Variants in PPP1R1C observed in about 807,000 individuals in gnomAD.
PPP1R1C encodes the protein protein phosphatase 1 regulatory subunit 1C.
Under a neutral mutation model 17.4 loss-of-function variants are expected in PPP1R1C, and 15 were observed. That is an observed-to-expected ratio of 0.86 (90% confidence interval 0.58 to 1.33). The LOEUF is 1.33. PPP1R1C is among the 40% of genes most tolerant of loss of function. PPP1R1C has a pLI of 0.00. For synonymous variants in PPP1R1C, 35 were observed against 43.1 expected (o/e 0.81, Z 0.73); for missense variants, 143 against 130.0 (o/e 1.10, Z -0.48).
At chr2:182,098,974 A>G (rs1049880489) in intron 4 of PPP1R1C, among the ~76,000 whole-genome samples, 54 of 152,328 alleles carry the variant, frequency 3.5e-4, no homozygotes, top group African/African-American at 1.2e-3. Flanking sequence ...TATTCTTCAG[A>G]AAAATATTGT....
downstream of PPP1R1C, among the ~76,000 whole-genome samples, chr2:182,120,578 T>G (rs1266129109): frequency 6.6e-6 from 1 of 152,246 alleles, no homozygotes; most frequent in Non-Finnish European, 1.5e-5. Context: ...TTCTCTCTAC[T>G]TAAAACCTGA....
intron 4 of PPP1R1C, among the ~76,000 whole-genome samples, chr2:182,069,663 A>C (rs1274825383): frequency 6.6e-6 from 1 of 152,202 alleles, no homozygotes; most frequent in Non-Finnish European, 1.5e-5. Flanking sequence ...ACATTGGAAA[A>C]GAAGAGCACC....
At chr2:182,085,188 A>T (rs1441262420) in intron 4 of PPP1R1C, among the ~76,000 whole-genome samples, 5 of 152,088 alleles carry the variant, frequency 3.3e-5, no homozygotes, top group African/African-American at 1.2e-4. Flanking sequence ...CTAGGTATAT[A>T]ATCATATCAT....
chr2:181,978,291 C>T lies in PPP1R1C; in HGVS notation n.157+3027C>T, dbSNP rs545547369. On this transcript the variant is annotated intron_variant and non_coding_transcript_variant, in intron 2 of 5. Transcript: ENST00000464264. ...GGGGACACAGTCAAACCTCTGCATG[C>T]GACTTGGGCTTTTCACTGAATACCT... Among the ~76,000 whole-genome samples the T allele has an allele frequency of 4.5e-4, 68 of 152,304 alleles. 4 individuals are homozygous for T. In the South Asian group the frequency reaches 0.013, roughly 30 times the overall value.
chr2:182,033,234 T>G (rs1418471279), intron 2 of PPP1R1C, among the ~76,000 whole-genome samples: 1 of 152,196 alleles, frequency 6.6e-6, no homozygotes, highest in Non-Finnish European at 1.5e-5. Context: ...ACACAAACAA[T>G]GATCTTTCTA....
At chr2:182,013,959 T>C (rs907456951) in intron 2 of PPP1R1C, among the ~76,000 whole-genome samples, 16 of 152,364 alleles carry the variant, frequency 1.1e-4, no homozygotes, top group South Asian at 4.1e-4. Context: ...TTGAATTTCA[T>C]TGAGCTTGCT....
At chr2:181,959,881 A>C (rs754622360) in intron 1 of PPP1R1C, among the ~76,000 whole-genome samples, 1 of 152,110 alleles carries the variant, frequency 6.6e-6, no homozygotes, top group Non-Finnish European at 1.5e-5. Context: ...GTATCCAGTT[A>C]ATAATGTTTT....
At chr2:181,982,008 A>G (rs1685201651), upstream of PPP1R1C, among the ~76,000 whole-genome samples, 1 of 152,342 alleles carries the variant, frequency 6.6e-6, no homozygotes, top group African/African-American at 2.4e-5. Flanking sequence ...CCAATTGTTA[A>G]ACAAAGTCAC....
At chr2:182,019,517 T>C (rs948770830) in intron 2 of PPP1R1C, among the ~76,000 whole-genome samples, 3 of 152,204 alleles carry the variant, frequency 2.0e-5, no homozygotes, top group Admixed American at 6.5e-5. Context: ...TGTTCAAAAA[T>C]GATTATTCTT....
intron 4 of PPP1R1C, among the ~76,000 whole-genome samples, chr2:182,101,902 G>A (rs1689107391): frequency 6.6e-6 from 1 of 152,146 alleles, no homozygotes; most frequent in African/African-American, 2.4e-5. Context: ...AAAACAAGCT[G>A]CACTCCTTCA....
At chr2:182,124,158 T>C (rs147960519) in intron 5 of PPP1R1C, among the ~76,000 whole-genome samples, 2 of 152,274 alleles carry the variant, frequency 1.3e-5, no homozygotes, top group Non-Finnish European at 2.9e-5. Flanking sequence ...AAAGATCAGA[T>C]AGTTGTAGAT....
chr2:182,026,785 G>A (rs1046175857), intron 2 of PPP1R1C, among the ~76,000 whole-genome samples: 25 of 150,880 alleles, frequency 1.7e-4, no homozygotes, highest in Admixed American at 1.4e-3. Flanking sequence ...CATTGAATCT[G>A]TAAATTACCT....
chr2:182,076,353 C>A (rs927399013), intron 4 of PPP1R1C, among the ~76,000 whole-genome samples: 4 of 145,888 alleles, frequency 2.7e-5, no homozygotes, highest in Non-Finnish European at 5.9e-5. Context: ...CGCTACCACG[C>A]CCGACTAATT....
intron 2 of PPP1R1C, among the ~76,000 whole-genome samples, chr2:182,030,279 G>A (rs1435120086): frequency 6.6e-6 from 1 of 152,220 alleles, no homozygotes. Context: ...TTTGGAGGAG[G>A]AGAGGCACTC....
intron 4 of PPP1R1C, among the ~76,000 whole-genome samples, chr2:182,094,368 C>T (rs1303619633): frequency 6.6e-6 from 1 of 152,212 alleles, no homozygotes; most frequent in African/African-American, 2.4e-5. Context: ...GGTGGGAACA[C>T]AGAGCCATAC....
rs562595992 is a variant in PPP1R1C, at chr2:182,039,900, C to A, written c.143-21542C>A. 2.0e-5 allele frequency among the ~76,000 whole-genome samples: 3 copies of A among 152,216 alleles called. No individual in the cohort carries two copies. In the East Asian group the frequency reaches 5.8e-4, roughly 29 times the overall value. ...ATCTCCAATTATAAATGAGAACATA[C>A]AATATTAGTTTTATTCATTCCTGAA... On this transcript the variant is annotated intron_variant, in intron 2 of 4. Coordinates refer to ENST00000682840, the MANE Select transcript of PPP1R1C (RefSeq NM_001080545.3).
chr2:182,128,266 G>A (rs563378815), intron 5 of PPP1R1C, among the ~76,000 whole-genome samples: 2 of 152,158 alleles, frequency 1.3e-5, no homozygotes, highest in African/African-American at 4.8e-5. Context: ...ATAAGTTTCT[G>A]GAAGGAAATA....
intron 2 of PPP1R1C, among the ~76,000 whole-genome samples, chr2:182,025,469 TG>T (rs1333971579): frequency 2.2e-5 from 3 of 133,696 alleles, no homozygotes; most frequent in African/African-American, 8.6e-5. Flanking sequence ...TTTGGTTTTT[TG>T]TTCTTGCGAT....
At chr2:182,018,375 A>T (rs934567579) in intron 2 of PPP1R1C, among the ~76,000 whole-genome samples, 7 of 152,224 alleles carry the variant, frequency 4.6e-5, no homozygotes, top group Admixed American at 2.6e-4. Context: ...TTTAATAATG[A>T]TGTCAACAGT....
Sources: allele counts gnomAD v4.1 joint callset (sites outside exome capture counted in the v4.1 genomes callset), GRCh38; gene constraint gnomAD v4.1.1; transcripts MANE v1.5; gene names NCBI Gene and HGNC (gene_info 2026-07-23, HGNC 2026-07-21).